The following ITIH5 variants were observed in gnomAD, a reference collection of about 807,000 sequenced individuals.
The protein encoded by ITIH5 is inter-alpha-trypsin inhibitor heavy chain H5.
Under a neutral mutation model 77.5 loss-of-function variants are expected in ITIH5, and 65 were observed. The ratio of observed to expected loss-of-function variants is 0.84; its 90% CI spans 0.69 to 1.03. The LOEUF (loss-of-function observed/expected upper bound fraction) is 1.03. Among genes scored for constraint, ITIH5 ranks in the 50% least tolerant of loss-of-function variants. The pLI is 0.00. For missense variants in ITIH5, 1,208 were observed against 1,213.1 expected (o/e 1.00, Z 0.06); for synonymous variants, 525 against 494.3 (o/e 1.06, Z -0.82).
chr10:7,595,902 G>A (rs150316991), intron 7 of ITIH5, among the ~76,000 whole-genome samples: 3,498 of 152,226 alleles, frequency 0.023, 50 homozygotes, highest in Middle Eastern at 0.037. Flanking sequence ...CAGCTACTCG[G>A]GAGGCTGAAG....
chr10:7,622,589 T>C (rs1382889013), intron 5 of ITIH5: 1 of 152,176 alleles, frequency 6.6e-6, no homozygotes, highest in Non-Finnish European at 1.5e-5. Context: ...GTTTTCTCTA[T>C]ACCACTGAAA....
intron 3 of ITIH5, among the ~76,000 whole-genome samples, chr10:7,641,267 C>A (rs1040155978): frequency 1.3e-5 from 2 of 152,106 alleles, no homozygotes; most frequent in Non-Finnish European, 2.9e-5. Flanking sequence ...GTCTTTCAAC[C>A]CTCAACTTCA....
intron 5 of ITIH5, 21 bp downstream of exon 5, chr10:7,637,207 A>C: frequency 6.3e-7 from 1 of 1,599,260 alleles, no homozygotes; most frequent in Non-Finnish European, 8.5e-7. Flanking sequence ...GATCTGCACG[A>C]ACCCAGCACG....
chr10:7,565,767 C>T (rs929203734), intron 13 of ITIH5, among the ~76,000 whole-genome samples: 5 of 139,330 alleles, frequency 3.6e-5, no homozygotes, highest in African/African-American at 1.4e-4. Context: ...TGCATGTACA[C>T]ATATGCATAC....
chr10:7,591,124 T>C (rs1026436150), intron 7 of ITIH5, among the ~76,000 whole-genome samples: 2 of 152,176 alleles, frequency 1.3e-5, no homozygotes, highest in Non-Finnish European at 2.9e-5. Context: ...CTCAATCTCC[T>C]GACCTCATAA....
rs1186976195 is a variant in ITIH5, at chr10:7,562,161, C to T, written c.*922G>A. The T allele has an allele frequency of 6.6e-6, 1 of 152,206 alleles. No homozygotes were observed. The highest frequency in any genetic ancestry group is 6.5e-5 in the Admixed American group (1 of 15,276). The allele number at this position is 152,206 out of a possible 1,614,324, so 9.4% of individuals were successfully genotyped here. ...CTGCCTCCCGTCCTAGCACTGTGCA[C>T]ATGTAATTGATCACCTCCTGGATGA... On this transcript the variant is annotated 3_prime_UTR_variant, in exon 14 of 14. Transcript: ENST00000397146.
At chr10:7,565,737 CTA>C (rs1832138557) in intron 13 of ITIH5, among the ~76,000 whole-genome samples, 1 of 148,200 alleles carries the variant, frequency 6.7e-6, no homozygotes, top group South Asian at 2.1e-4. Flanking sequence ...TATAGAGAGA[CTA>C]TATACACATA....
intron 5 of ITIH5, among the ~76,000 whole-genome samples, chr10:7,630,528 G>A (rs573616758): frequency 6.6e-6 from 1 of 152,186 alleles, no homozygotes; most frequent in African/African-American, 2.4e-5. Flanking sequence ...CCATCCTAGG[G>A]TGTGAGAAGT....
chr10:7,595,562 C>A (rs570572882), intron 7 of ITIH5, among the ~76,000 whole-genome samples: 3 of 152,198 alleles, frequency 2.0e-5, no homozygotes, highest in Non-Finnish European at 1.5e-5. Flanking sequence ...TCTTCTTATA[C>A]GTACTTCACT....
At chr10:7,595,002 T>C (rs1241843732) in intron 7 of ITIH5, among the ~76,000 whole-genome samples, 1 of 152,204 alleles carries the variant, frequency 6.6e-6, no homozygotes, top group Non-Finnish European at 1.5e-5. Flanking sequence ...TGAATGGGCG[T>C]CATCTCTGCT....
chr10:7,602,919 C>T (rs931821882), intron 7 of ITIH5, among the ~76,000 whole-genome samples: 5 of 152,182 alleles, frequency 3.3e-5, no homozygotes, highest in Admixed American at 2.6e-4. Context: ...TTGTGGGGCA[C>T]ATGCTCTCAT....
chr10:7,625,964 ACGTC>A (rs1324441124), intron 5 of ITIH5, among the ~76,000 whole-genome samples: 1 of 152,242 alleles, frequency 6.6e-6, no homozygotes, highest in East Asian at 1.9e-4. Flanking sequence ...GTGAGAGTTC[ACGTC>A]CAGCTTGCGG....
At chr10:7,642,224 TTTC>T (rs890562021) in intron 2 of ITIH5, 134 bp from the exon 3 acceptor site, 3 of 654,424 alleles carry the variant, frequency 4.6e-6, no homozygotes. Context: ...TCCAATTTCC[TTTC>T]TTCTTCTTTT....
intron 5 of ITIH5, among the ~76,000 whole-genome samples, chr10:7,624,855 G>GTATATACACATATATA (rs1244622203): frequency 4.4e-5 from 4 of 90,424 alleles, no homozygotes; most frequent in African/African-American, 9.1e-5. Flanking sequence ...ACATATATAT[G>GTATATACACATATATA]TGTATATATG....
At chr10:7,632,721 G>A (rs7085767) in intron 5 of ITIH5, among the ~76,000 whole-genome samples, 84 of 152,266 alleles carry the variant, frequency 5.5e-4, no homozygotes, top group African/African-American at 1.9e-3. Context: ...TCTAGAGTAC[G>A]TTGTCTGGAA....
intron 1 of ITIH5, among the ~76,000 whole-genome samples, chr10:7,662,164 C>T (rs74385601): frequency 0.14 from 20,638 of 152,032 alleles, 1,534 homozygotes; most frequent in East Asian, 0.29. Flanking sequence ...TCGAGACCAG[C>T]CTGGCCAACA....
At chr10:7,652,291 G>A (rs7919666) in intron 2 of ITIH5, among the ~76,000 whole-genome samples, 6 of 151,996 alleles carry the variant, frequency 3.9e-5, no homozygotes, top group Admixed American at 1.3e-4. Flanking sequence ...ATTCAAGCAC[G>A]GAACATTCAG....
At chr10:7,661,381 A>G (rs558106996) in intron 1 of ITIH5, among the ~76,000 whole-genome samples, 12 of 152,310 alleles carry the variant, frequency 7.9e-5, no homozygotes, top group African/African-American at 2.9e-4. Flanking sequence ...GCATTCTGAA[A>G]TGCTGAAACC....
chr10:7,650,591 C>G (rs1834082641), intron 2 of ITIH5, among the ~76,000 whole-genome samples: 1 of 151,992 alleles, frequency 6.6e-6, no homozygotes, highest in African/African-American at 2.4e-5. Context: ...AAAAAATTAG[C>G]CAGGTGTGAT....
Sources: gnomAD v4.1 joint callset for allele counts (sites outside exome capture counted in the v4.1 genomes callset) on GRCh38, gnomAD v4.1.1 for gene constraint, MANE v1.5 for transcripts, NCBI Gene and HGNC (gene_info 2026-07-23, HGNC 2026-07-21) for gene names.